Variants in CR1L observed in about 807,000 individuals in gnomAD.
CR1L encodes complement C3b/C4b receptor 1 like, also known as complement component receptor 1-like protein.
Under a neutral mutation model 62.3 loss-of-function variants are expected in CR1L, and 59 were observed. The observed-to-expected ratio is 0.95, with a 90% CI of 0.77 to 1.18. The LOEUF is 1.18. Ranked by LOEUF, CR1L falls within the 50% of genes most tolerant of loss-of-function variation. The pLI, the probability that CR1L is intolerant of heterozygous loss-of-function variation, is 0.00. For missense variants in CR1L, 700 were observed against 702.8 expected (o/e 1.00, Z 0.04); for synonymous variants, 279 against 248.7 (o/e 1.12, Z -1.15).
At chr1:207,706,600 C>T (rs1664271711) in intron 9 of CR1L, among the ~76,000 whole-genome samples, 1 of 151,952 alleles carries the variant, frequency 6.6e-6, no homozygotes, top group African/African-American at 2.4e-5. Context: ...AATGTAATAC[C>T]CGCAAAAGAA....
At chr1:207,661,911 G>A (rs1265831187) in intron 1 of CR1L, among the ~76,000 whole-genome samples, 1 of 152,006 alleles carries the variant, frequency 6.6e-6, no homozygotes, top group Non-Finnish European at 1.5e-5. Context: ...ATGAAGCTTA[G>A]TTTGGCTGGA....
chr1:207,666,033 G>T (rs941258118), intron 1 of CR1L, among the ~76,000 whole-genome samples: 4 of 152,214 alleles, frequency 2.6e-5, no homozygotes, highest in African/African-American at 4.8e-5. Context: ...ACTCCATGAT[G>T]AATCAGTTAT....
intron 9 of CR1L, among the ~76,000 whole-genome samples, chr1:207,707,497 G>T (rs946082227): frequency 1.3e-5 from 2 of 152,082 alleles, no homozygotes; most frequent in African/African-American, 4.8e-5. Context: ...GCATGTTGGT[G>T]CATGCCTGTA....
At chr1:207,696,634 A>G (rs1664104822) in intron 5 of CR1L, among the ~76,000 whole-genome samples, 1 of 152,240 alleles carries the variant, frequency 6.6e-6, no homozygotes, top group Admixed American at 6.5e-5. Context: ...TCATTTTTCT[A>G]GTCCAATCCC....
chr1:207,689,577 T>C (rs1663965987), intron 4 of CR1L, among the ~76,000 whole-genome samples: 1 of 152,162 alleles, frequency 6.6e-6, no homozygotes, highest in Non-Finnish European at 1.5e-5. Context: ...TTTGGTTTTA[T>C]TTTAATGTCC....
In CR1L at chr1:207,701,556, C is replaced by T; in HGVS notation, c.1266C>T (p.Gly422=). Residue 422 remains glycine, a synonymous_variant, in exon 9 of 12, where the codon GGC becomes GGT. Transcript: ENST00000508064. ...SCETPPVPVN[G]MVHVITDIHV... is the part of the protein sequence containing the mutation. ...AAACTCCTCCAGTTCCAGTGAATGG[C>T]ATGGTGCATGTGATCACAGACATCC... The T allele has an allele frequency of 6.2e-7, 1 of 1,613,828 alleles. No homozygotes were observed. Among genetic ancestry groups the T allele is most frequent in the East Asian group, 2.2e-5 (1 of 44,884 alleles).
At chr1:207,677,732 T>C (rs1335996950) in intron 2 of CR1L, among the ~76,000 whole-genome samples, 164 bp downstream of exon 2, 1 of 152,218 alleles carries the variant, frequency 6.6e-6, no homozygotes, top group Middle Eastern at 3.2e-3. Flanking sequence ...CTGCTTTGAG[T>C]TCCTGGCACC....
intron 9 of CR1L, among the ~76,000 whole-genome samples, chr1:207,707,242 G>A (rs1279939920): frequency 6.6e-6 from 1 of 152,160 alleles, no homozygotes; most frequent in Admixed American, 6.5e-5. Flanking sequence ...TCGGAAATAA[G>A]CCCCATCATG....
At chr1:207,708,367 T>G (rs1172576680) in intron 10 of CR1L, 104 bp downstream of exon 10, 2 of 1,432,502 alleles carry the variant, frequency 1.4e-6, no homozygotes, top group African/African-American at 2.8e-5. Flanking sequence ...ATGGTATCCT[T>G]CTGATATTTG....
intron 9 of CR1L, among the ~76,000 whole-genome samples, chr1:207,706,765 C>A (rs922303148): frequency 1.3e-5 from 2 of 152,048 alleles, no homozygotes; most frequent in Non-Finnish European, 1.5e-5. Flanking sequence ...GTATGTTTCC[C>A]AGGCAATTAA....
chr1:207,651,749 C>T (rs750690936), intron 1 of CR1L, among the ~76,000 whole-genome samples: 1 of 152,040 alleles, frequency 6.6e-6, no homozygotes, highest in Non-Finnish European at 1.5e-5. Context: ...ATAAACAATC[C>T]AACAGCTACC....
chr1:207,657,208 A>G, intron 1 of CR1L: 1 of 1,260,504 alleles, frequency 7.9e-7, no homozygotes, highest in South Asian at 1.2e-5. Flanking sequence ...TTAATGCAGT[A>G]ACTGATAGTT....
chr1:207,697,928 T>C, intron 7 of CR1L, 55 bp downstream of exon 7: 1 of 1,609,574 alleles, frequency 6.2e-7, no homozygotes, highest in Non-Finnish European at 8.5e-7. Flanking sequence ...TAGGAATTAG[T>C]CCAAAAAGGG....
At chr1:207,686,004 T>G (rs1285915454) in intron 4 of CR1L, among the ~76,000 whole-genome samples, 1 of 150,890 alleles carries the variant, frequency 6.6e-6, no homozygotes, top group African/African-American at 2.4e-5. Flanking sequence ...ACTCTTTGTC[T>G]TCTTTTCTTT....
intron 1 of CR1L, among the ~76,000 whole-genome samples, chr1:207,669,901 C>T (rs1166497507): frequency 6.6e-6 from 1 of 151,206 alleles, no homozygotes; most frequent in Non-Finnish European, 1.5e-5. Flanking sequence ...CCGAGCGTGG[C>T]GTCGATCCTA....
At chr1:207,688,494 T>C (rs1663946956) in intron 4 of CR1L, among the ~76,000 whole-genome samples, 1 of 152,218 alleles carries the variant, frequency 6.6e-6, no homozygotes, top group Non-Finnish European at 1.5e-5. Context: ...ATGACATTAA[T>C]ATTTGATATC....
At chr1:207,683,620 A>G (rs560908856) in intron 3 of CR1L, among the ~76,000 whole-genome samples, 1 of 152,348 alleles carries the variant, frequency 6.6e-6, no homozygotes, top group South Asian at 2.1e-4. Context: ...AAAAACTGTA[A>G]CTCATCTTTG....
intron 4 of CR1L, among the ~76,000 whole-genome samples, chr1:207,686,664 G>A (rs375069258): frequency 6.6e-6 from 1 of 152,148 alleles, no homozygotes; most frequent in East Asian, 1.9e-4. Flanking sequence ...TATAATTCAT[G>A]TATCATAAAA....
chr1:207,677,321 A>G lies in CR1L; in HGVS notation c.98-68A>G, dbSNP rs1167093201. The stretch of plus-strand genomic sequence containing the variant: ...AGACTCTGTCACAAAAAAAAAAAAA[A>G]AAAAAAAAAAAAAAAAGTATGGTAA... On this transcript the variant is annotated intron_variant, in intron 1 of 11. Coordinates refer to ENST00000508064, the MANE Select transcript of CR1L (RefSeq NM_175710.2). The G allele has an allele frequency of 2.1e-5, 25 of 1,182,064 alleles. No homozygotes were observed. The South Asian group carries it at 4.8e-4, about 23-fold the overall frequency. The allele number at this position is 1,182,064 out of a possible 1,614,324, so 73.2% of individuals were successfully genotyped here.
Sources: allele counts gnomAD v4.1 joint callset (sites outside exome capture counted in the v4.1 genomes callset), GRCh38; gene constraint gnomAD v4.1.1; transcripts MANE v1.5; gene names NCBI Gene and HGNC (gene_info 2026-07-23, HGNC 2026-07-21).